The following FAM135B variants were observed in gnomAD, a reference collection of about 807,000 sequenced individuals.
FAM135B encodes family with sequence similarity 135 member B.
FAM135B carries 43 observed loss-of-function variants against 127.7 expected under a neutral mutation model. That is an observed-to-expected ratio of 0.34 (90% CI 0.26 to 0.43). FAM135B has a LOEUF of 0.43. Ranked by LOEUF, FAM135B falls within the 20% of genes least tolerant of loss-of-function variation. The pLI, the probability that FAM135B is intolerant of heterozygous loss-of-function variation, is 1.00. For missense variants in FAM135B, 1,558 were observed against 1,725.6 expected (o/e 0.90, Z 1.72); for synonymous variants, 670 against 665.1 (o/e 1.01, Z -0.11).
intron 7 of FAM135B, among the ~76,000 whole-genome samples, chr8:138,216,730 C>G (rs1003093083): frequency 6.6e-6 from 1 of 152,158 alleles, no homozygotes; most frequent in African/African-American, 2.4e-5. Context: ...ATGGGTTGCT[C>G]ATTAGAGAGT....
At chr8:138,465,311 C>G (rs1837327524) in intron 1 of FAM135B, among the ~76,000 whole-genome samples, 4 of 152,190 alleles carry the variant, frequency 2.6e-5, no homozygotes, top group Admixed American at 2.6e-4. Context: ...ACACCTGGCC[C>G]TACACTCAGA....
intron 12 of FAM135B, among the ~76,000 whole-genome samples, chr8:138,159,048 G>A (rs1400863572): frequency 1.3e-5 from 2 of 150,676 alleles, no homozygotes; most frequent in African/African-American, 2.4e-5. Context: ...CGAGGCGGGT[G>A]GATCATGAGG....
intron 9 of FAM135B, among the ~76,000 whole-genome samples, chr8:138,189,306 T>A (rs1271052126): frequency 6.6e-6 from 1 of 152,220 alleles, no homozygotes; most frequent in East Asian, 1.9e-4. Flanking sequence ...TGAGAGCCAC[T>A]TTCATCAGCA....
At chr8:138,384,448 G>T (rs956709967) in intron 1 of FAM135B, among the ~76,000 whole-genome samples, 1 of 152,056 alleles carries the variant, frequency 6.6e-6, no homozygotes, top group African/African-American at 2.4e-5. Flanking sequence ...AGTTCAGCCT[G>T]CGGATTTGTG....
At chr8:138,182,293 G>A (rs1456417375) in intron 9 of FAM135B, among the ~76,000 whole-genome samples, 1 of 152,216 alleles carries the variant, frequency 6.6e-6, no homozygotes, top group Admixed American at 6.5e-5. Flanking sequence ...ACAGATGCCC[G>A]AGCCTGTGCA....
chr8:138,166,401 G>C (rs1173474817), intron 12 of FAM135B, among the ~76,000 whole-genome samples: 1 of 152,194 alleles, frequency 6.6e-6, no homozygotes, highest in African/African-American at 2.4e-5. Flanking sequence ...CAGCAAAACA[G>C]GTTGCACTCT....
intron 9 of FAM135B, among the ~76,000 whole-genome samples, chr8:138,188,609 C>T (rs146610424): frequency 0.015 from 2,265 of 152,270 alleles, 48 homozygotes; most frequent in African/African-American, 0.048. Flanking sequence ...GTTTCAGCTC[C>T]GTGGTGCCTG....
rs1029356155 is a variant in FAM135B, at chr8:138,410,387, T to C, written c.-19-42385A>G. 7.2e-5 allele frequency among the ~76,000 whole-genome samples: 11 copies of C among 152,294 alleles called. No homozygotes were observed. The East Asian group carries it at 9.7e-4, about 13-fold the overall frequency. ...TGGCTTCTACCTTGCTTGATCTCTCTTGCTTGGTCAGATGAAAGGCAAGTG... is the reference window on the plus strand; with the variant it reads ...TGGCTTCTACCTTGCTTGATCTCTCCTGCTTGGTCAGATGAAAGGCAAGTG... On this transcript the variant is annotated intron_variant, in intron 1 of 19. Transcript: ENST00000395297.
intron 1 of FAM135B, among the ~76,000 whole-genome samples, chr8:138,467,095 T>C (rs1837418726): frequency 6.6e-6 from 1 of 152,212 alleles, no homozygotes; most frequent in East Asian, 1.9e-4. Flanking sequence ...CTAAAAGTTC[T>C]AGGTAATCAT....
intron 1 of FAM135B, chr8:138,459,582 T>C (rs536441884): frequency 6.6e-6 from 1 of 152,326 alleles, no homozygotes; most frequent in East Asian, 1.9e-4. Context: ...ACTGGCGGGA[T>C]GATGATGATG....
chr8:138,430,004 C>T (rs528367325), intron 1 of FAM135B, among the ~76,000 whole-genome samples: 4 of 152,200 alleles, frequency 2.6e-5, no homozygotes, highest in Non-Finnish European at 5.9e-5. Context: ...TCTACTATGC[C>T]GAGTTTCTTT....
intron 8 of FAM135B, among the ~76,000 whole-genome samples, chr8:138,197,103 GTGTGTGTGTGTGTGTATATA>G (rs771956438): frequency 7.6e-3 from 407 of 53,328 alleles, no homozygotes; most frequent in South Asian, 0.014. Flanking sequence ...GTGTGTGTGT[GTGTGTGTGTGTGTGTATATA>G]TATAGTTTTT....
intron 7 of FAM135B, among the ~76,000 whole-genome samples, chr8:138,238,560 C>A (rs1039912496): frequency 6.6e-6 from 1 of 152,184 alleles, no homozygotes; most frequent in Non-Finnish European, 1.5e-5. Context: ...GCAACCCTTA[C>A]CTCCCTGTGA....
At chr8:138,443,291 A>T (rs971282908) in intron 1 of FAM135B, among the ~76,000 whole-genome samples, 2 of 152,172 alleles carry the variant, frequency 1.3e-5, no homozygotes, top group African/African-American at 4.8e-5. Flanking sequence ...ATCCATTCAA[A>T]TATTCTTTTC....
chr8:138,460,183 G>A (rs1303153926), intron 1 of FAM135B, among the ~76,000 whole-genome samples: 1 of 152,174 alleles, frequency 6.6e-6, no homozygotes, highest in African/African-American at 2.4e-5. Flanking sequence ...CTAGAAGGCA[G>A]ACACAATACC....
chr8:138,406,666 T>C (rs528808504), intron 1 of FAM135B, among the ~76,000 whole-genome samples: 403 of 152,072 alleles, frequency 2.7e-3, no homozygotes, highest in African/African-American at 9.2e-3. Flanking sequence ...AACCACATGA[T>C]TATCTCAATA....
At chr8:138,261,344 T>C (rs1232988241) in intron 4 of FAM135B, among the ~76,000 whole-genome samples, 1 of 152,198 alleles carries the variant, frequency 6.6e-6, no homozygotes, top group Non-Finnish European at 1.5e-5. Flanking sequence ...GTGTTTCATA[T>C]GTAATCTTTT....
intron 3 of FAM135B, among the ~76,000 whole-genome samples, chr8:138,292,917 G>C (rs1017094724): frequency 6.6e-6 from 1 of 151,948 alleles, no homozygotes; most frequent in Non-Finnish European, 1.5e-5. Context: ...ACTTCATGTG[G>C]AACCAAAAAA....
chr8:138,201,492 C>T (rs1188241031), intron 7 of FAM135B, among the ~76,000 whole-genome samples: 1 of 152,066 alleles, frequency 6.6e-6, no homozygotes, highest in East Asian at 1.9e-4. Flanking sequence ...AAAAAAACTT[C>T]CATTCTTCAT....
Sources: allele counts gnomAD v4.1 joint callset (sites outside exome capture counted in the v4.1 genomes callset), GRCh38; gene constraint gnomAD v4.1.1; transcripts MANE v1.5; gene names NCBI Gene and HGNC (gene_info 2026-07-23, HGNC 2026-07-21).